The following GAREM1 variants were observed in gnomAD, a reference collection of about 807,000 sequenced individuals.
The protein encoded by GAREM1 is GRB2-associated and regulator of MAPK protein 1.
In GAREM1, 26 loss-of-function variants were observed where a neutral mutation model predicts 71.3. That is an observed-to-expected ratio of 0.36 (90% confidence interval 0.27 to 0.51). The LOEUF (loss-of-function observed/expected upper bound fraction) is 0.51, where lower values mean the gene tolerates loss of function less well. Among genes scored for constraint, GAREM1 ranks in the 20% least tolerant of loss-of-function variants. GAREM1 has a pLI of 0.95. For synonymous variants in GAREM1, 440 were observed against 433.2 expected (o/e 1.02, Z -0.20); for missense variants, 1,026 against 1,103.1 (o/e 0.93, Z 0.99).
chr18:32,406,499 G>A (rs2048368413), intron 1 of GAREM1, among the ~76,000 whole-genome samples: 1 of 152,038 alleles, frequency 6.6e-6, no homozygotes, highest in Admixed American at 6.5e-5. Flanking sequence ...TGTGGTGGGG[G>A]GAAAGAGGTG....
intron 2 of GAREM1, among the ~76,000 whole-genome samples, chr18:32,319,057 A>G (rs963700838): frequency 6.6e-6 from 1 of 152,216 alleles, no homozygotes; most frequent in Non-Finnish European, 1.5e-5. Context: ...CATACCACAC[A>G]TGGCATAAAG....
intron 1 of GAREM1, among the ~76,000 whole-genome samples, chr18:32,418,592 A>C (rs2048487715): frequency 6.6e-6 from 1 of 152,210 alleles, no homozygotes; most frequent in Admixed American, 6.5e-5. Context: ...GATGATATTT[A>C]ACAAGTAACC....
At chr18:32,423,347 A>G (rs963613281) in intron 1 of GAREM1, among the ~76,000 whole-genome samples, 1 of 152,232 alleles carries the variant, frequency 6.6e-6, no homozygotes, top group Non-Finnish European at 1.5e-5. Context: ...AATAGGTATT[A>G]GTTTACACTA....
rs1453713546 is a variant in GAREM1 at position 32,455,495 on chromosome 18, A to G, written c.121+14813T>C. ...TTGCAAATCCTTCTTAAATTCTGAA[A>G]CACACACGCACATACACACACACTT... On this transcript the variant is annotated intron_variant, in intron 1 of 5. Transcript: ENST00000269209. Among the ~76,000 whole-genome samples the G allele has an allele frequency of 3.9e-5, 6 of 152,138 alleles. No individual in the cohort carries two copies. The South Asian group carries it at 1.2e-3, about 31-fold the overall frequency.
At chr18:32,431,758 A>G (rs2048627313) in intron 1 of GAREM1, among the ~76,000 whole-genome samples, 1 of 152,230 alleles carries the variant, frequency 6.6e-6, no homozygotes, top group African/African-American at 2.4e-5. Context: ...ATGCCCTTAC[A>G]CATCACAATG....
In GAREM1 at chr18:32,343,308, A is replaced by C. The variant is rs995426925; in HGVS notation, c.263-32985T>G. On this transcript the variant is annotated intron_variant, in intron 2 of 5. Coordinates refer to ENST00000269209, the MANE Select transcript of GAREM1 (RefSeq NM_001242409.2). ...AAAAGCTAAAAGAGTACTCTCCCCC[A>C]CTGTTTTTTTTTTTTTTTTTTTTTG... is the stretch of plus-strand genomic sequence containing the variant. Among the ~76,000 whole-genome samples the C allele has an allele frequency of 8.6e-3, 1,113 of 129,358 alleles. 10 individuals are homozygous for C. The highest frequency in any genetic ancestry group is 0.014 in the Non-Finnish European group (851 of 61,078). 84.9% of individuals were successfully genotyped at this position (129,358 alleles called of 152,430 possible). A position where few individuals can be genotyped will look rare whatever the true frequency, so the allele number is the denominator to read the frequency against.
At chr18:32,384,546 TTA>T (rs2048127225) in intron 2 of GAREM1, among the ~76,000 whole-genome samples, 1 of 152,230 alleles carries the variant, frequency 6.6e-6, no homozygotes, top group African/African-American at 2.4e-5. Flanking sequence ...ATTTAACAAC[TTA>T]GTTTGCCAGA....
At chr18:32,380,049 T>TC (rs749589501) in intron 2 of GAREM1, among the ~76,000 whole-genome samples, 15 of 152,064 alleles carry the variant, frequency 9.9e-5, no homozygotes, top group South Asian at 2.1e-4. Flanking sequence ...GCTCCATTGC[T>TC]CCCCCCTGAA....
chr18:32,275,761 C>G (rs529270323), intron 4 of GAREM1, among the ~76,000 whole-genome samples: 1 of 152,318 alleles, frequency 6.6e-6, no homozygotes, highest in East Asian at 1.9e-4. Context: ...TCACCGCAAC[C>G]TCCGCCTCCC....
chr18:32,425,745 T>C (rs543781725), intron 1 of GAREM1, among the ~76,000 whole-genome samples: 1 of 152,194 alleles, frequency 6.6e-6, no homozygotes, highest in Non-Finnish European at 1.5e-5. Context: ...GATTTCTCTT[T>C]TGCAAGAAAT....
chr18:32,379,461 G>A (rs1336454974), intron 2 of GAREM1, among the ~76,000 whole-genome samples: 26 of 84,334 alleles, frequency 3.1e-4, no homozygotes, highest in African/African-American at 1.4e-3. Context: ...TTGGGAGGCC[G>A]GGGGGGGTGG....
chr18:32,275,507 C>T (rs1290287578), intron 4 of GAREM1, among the ~76,000 whole-genome samples: 2 of 152,148 alleles, frequency 1.3e-5, no homozygotes, highest in Non-Finnish European at 2.9e-5. Flanking sequence ...CTTGACTATT[C>T]ACAGAGAAAC....
chr18:32,385,445 C>A lies in GAREM1; in HGVS notation c.262+7450G>T, dbSNP rs113109132. Among the ~76,000 whole-genome samples the A allele has an allele frequency of 7.9e-5, 12 of 152,188 alleles. No homozygotes were observed. The East Asian group carries it at 1.7e-3, about 22-fold the overall frequency. ...CTCCTGCCTCTGATCTGATCACCCC[C>A]CTAGGCCCAGCAGCTGTCCCCTCTG... On this transcript the variant is annotated intron_variant, in intron 2 of 5. Coordinates refer to ENST00000269209, the MANE Select transcript of GAREM1 (RefSeq NM_001242409.2).
In GAREM1 at chr18:32,421,016, T is replaced by G. The variant is rs556281544; in HGVS notation, c.122-27981A>C. On this transcript the variant is annotated intron_variant, in intron 1 of 5. Coordinates refer to ENST00000269209, the MANE Select transcript of GAREM1 (RefSeq NM_001242409.2). ...GATTCAGAAAGGACATAAACTCAAG[T>G]CCCATTCAGAGTCCTTTGGATGGAG... Among the ~76,000 whole-genome samples, 103 of 152,164 alleles carry G rather than the reference T, an allele frequency of 6.8e-4. No homozygotes were observed. In the South Asian group the frequency reaches 0.019, roughly 28 times the overall value.
intron 2 of GAREM1, among the ~76,000 whole-genome samples, chr18:32,319,007 G>A (rs1413496743): frequency 6.6e-6 from 1 of 152,196 alleles, no homozygotes; most frequent in Non-Finnish European, 1.5e-5. Context: ...CCATGAAGGG[G>A]AGGGTCCAGG....
intron 1 of GAREM1, chr18:32,413,124 A>G: frequency 6.5e-7 from 1 of 1,537,154 alleles, no homozygotes; most frequent in South Asian, 1.1e-5. Context: ...CAACCCTCCA[A>G]TGAAGAGCTT....
intron 1 of GAREM1, among the ~76,000 whole-genome samples, chr18:32,452,167 C>T (rs1247317854): frequency 6.6e-6 from 1 of 152,052 alleles, no homozygotes; most frequent in Non-Finnish European, 1.5e-5. Context: ...ATATTAGGAG[C>T]TTACATATTA....
intron 1 of GAREM1, among the ~76,000 whole-genome samples, chr18:32,439,441 C>T (rs1226463536): frequency 6.6e-6 from 1 of 152,088 alleles, no homozygotes. Context: ...GAGAAACTTC[C>T]TGTGATTGCT....
intron 1 of GAREM1, among the ~76,000 whole-genome samples, chr18:32,457,132 A>C (rs1477288225): frequency 7.0e-6 from 1 of 143,324 alleles, no homozygotes; most frequent in Admixed American, 7.3e-5. Flanking sequence ...AGTTTGTTAA[A>C]AAGTAGCTAA....
Sources: allele counts gnomAD v4.1 joint callset (sites outside exome capture counted in the v4.1 genomes callset), GRCh38; gene constraint gnomAD v4.1.1; transcripts MANE v1.5; gene names NCBI Gene and HGNC (gene_info 2026-07-23, HGNC 2026-07-21).